Variants in VPS50 observed in about 807,000 individuals in gnomAD.
VPS50 encodes VPS50 subunit of EARP/GARPII complex, also known as syndetin.
In VPS50, 70 loss-of-function variants were observed where a neutral mutation model predicts 139.7. That is an observed-to-expected ratio of 0.50 (90% CI 0.41 to 0.61). The LOEUF is 0.61. Ranked by LOEUF, VPS50 falls within the 20% of genes least tolerant of loss-of-function variation. VPS50 has a pLI of 0.00. For missense variants in VPS50, 921 were observed against 1,133.7 expected (o/e 0.81, Z 2.69); for synonymous variants, 365 against 376.7 (o/e 0.97, Z 0.36).
chr7:93,296,941 A>G (rs1392170370), intron 15 of VPS50, 105 bp downstream of exon 15: 4 of 1,436,156 alleles, frequency 2.8e-6, no homozygotes, highest in Non-Finnish European at 3.6e-6. Flanking sequence ...AAATGAAGAT[A>G]ATTTTTGCTG....
intron 21 of VPS50, among the ~76,000 whole-genome samples, chr7:93,332,715 A>G (rs1797972035): frequency 1.3e-5 from 2 of 152,222 alleles, no homozygotes; most frequent in South Asian, 4.1e-4. Context: ...TGGAACCCAA[A>G]TGTTAATTGA....
chr7:93,299,843 A>G (rs1796926002), intron 16 of VPS50, among the ~76,000 whole-genome samples: 1 of 152,176 alleles, frequency 6.6e-6, no homozygotes, highest in Admixed American at 6.5e-5. Context: ...CCCAAAGAAC[A>G]TCGTTCTGTC....
intron 21 of VPS50, among the ~76,000 whole-genome samples, chr7:93,326,391 T>C (rs1002472455): frequency 4.0e-5 from 6 of 149,460 alleles, no homozygotes; most frequent in African/African-American, 7.4e-5. Context: ...GGCACATGTA[T>C]ACATATGTAA....
At chr7:93,303,237 G>A (rs1472969188) in intron 16 of VPS50, among the ~76,000 whole-genome samples, 1 of 151,796 alleles carries the variant, frequency 6.6e-6, no homozygotes, top group Non-Finnish European at 1.5e-5. Flanking sequence ...AAAATACTTA[G>A]TTTAGTAAAC....
chr7:93,264,859 C>A (rs1795793656), intron 9 of VPS50, among the ~76,000 whole-genome samples: 1 of 152,158 alleles, frequency 6.6e-6, no homozygotes, highest in African/African-American at 2.4e-5. Flanking sequence ...GCCAGGCCTT[C>A]TAGCTTGATC....
intron 16 of VPS50, among the ~76,000 whole-genome samples, chr7:93,299,788 T>C (rs1796923583): frequency 6.6e-6 from 1 of 152,218 alleles, no homozygotes; most frequent in African/African-American, 2.4e-5. Context: ...AGTATAAGTT[T>C]TATTTCCCAT....
intron 23 of VPS50, 67 bp from the exon 24 acceptor site, chr7:93,348,644 A>G (rs1798470551): frequency 9.6e-7 from 1 of 1,045,916 alleles, no homozygotes; most frequent in Admixed American, 2.1e-5. Context: ...AAATACTTAT[A>G]CGAAAGCATG....
At chr7:93,346,113 A>G (rs1798385112) in intron 23 of VPS50, among the ~76,000 whole-genome samples, 1 of 152,234 alleles carries the variant, frequency 6.6e-6, no homozygotes, top group East Asian at 1.9e-4. Flanking sequence ...TTAAGCTGAT[A>G]AGCAACTTCA....
chr7:93,297,145 GT>G lies in VPS50; in HGVS notation c.1265del (p.Leu422Ter), dbSNP rs765021329. The G allele has an allele frequency of 1.9e-6, 3 of 1,561,134 alleles. No homozygotes were observed. On this transcript the variant is annotated frameshift_variant and splice_region_variant, in exon 16 of 28. Coordinates refer to ENST00000305866, the MANE Select transcript of VPS50 (RefSeq NM_017667.4). LOFTEE classifies it high-confidence loss of function. ...FIFVLDIISRLMQVGEEFCGS... is the reference protein window; with the variant it reads ...FIFVLDIISRXMQVGEEFCGS... ...TACTGAAACCTTTTTATCCAACTAG[GT>G]TGATGCAAGTTGGAGAAGAATTTTG...
chr7:93,258,415 T>G (rs1373617182), intron 8 of VPS50, 23 bp downstream of exon 8: 2 of 1,587,758 alleles, frequency 1.3e-6, no homozygotes, highest in Non-Finnish European at 1.7e-6. Flanking sequence ...GTTTTGGAAA[T>G]TTAGGGTCCT....
intron 26 of VPS50, among the ~76,000 whole-genome samples, chr7:93,355,399 C>G (rs1218757793): frequency 6.6e-6 from 1 of 152,082 alleles, no homozygotes; most frequent in African/African-American, 2.4e-5. Context: ...TATATATATA[C>G]TTTCTATGCT....
intron 3 of VPS50, 65 bp from the exon 4 acceptor site, chr7:93,253,795 C>G: frequency 1.1e-6 from 1 of 879,090 alleles, no homozygotes; most frequent in Non-Finnish European, 1.9e-6. Context: ...CAGAAGGGTC[C>G]AGGTAAATGA....
At chr7:93,315,153 A>G (rs1433554680) in intron 20 of VPS50, among the ~76,000 whole-genome samples, 2 of 152,020 alleles carry the variant, frequency 1.3e-5, no homozygotes, top group Non-Finnish European at 2.9e-5. Context: ...CACTATTTAT[A>G]CTGTTTTTTA....
intron 23 of VPS50, among the ~76,000 whole-genome samples, chr7:93,346,871 C>T (rs1798411287): frequency 7.2e-6 from 1 of 138,568 alleles, no homozygotes; most frequent in African/African-American, 2.8e-5. Context: ...CCATAAAAAC[C>T]CTAGAAGAAA....
intron 27 of VPS50, 77 bp from the exon 28 acceptor site, chr7:93,358,240 T>G: frequency 7.5e-7 from 1 of 1,335,936 alleles, no homozygotes; most frequent in Middle Eastern, 1.8e-4. Context: ...CACCTGAATA[T>G]CCGCCTGTTC....
chr7:93,296,891 A>G, intron 15 of VPS50, 55 bp downstream of exon 15: 1 of 1,528,616 alleles, frequency 6.5e-7, no homozygotes, highest in Non-Finnish European at 8.7e-7. Flanking sequence ...ACCATGATAA[A>G]TCATGAGCTA....
chr7:93,269,614 A>G (rs994819226), intron 9 of VPS50, among the ~76,000 whole-genome samples: 7 of 152,044 alleles, frequency 4.6e-5, no homozygotes, highest in Admixed American at 3.3e-4. Flanking sequence ...ATTGCTATCT[A>G]TGTCTATCTA....
intron 12 of VPS50, among the ~76,000 whole-genome samples, chr7:93,286,276 C>T (rs1427867111): frequency 6.6e-6 from 1 of 152,102 alleles, no homozygotes; most frequent in Non-Finnish European, 1.5e-5. Context: ...TCAATCAATA[C>T]TTTCATTGCT....
intron 23 of VPS50, among the ~76,000 whole-genome samples, chr7:93,344,894 C>A (rs1218952621): frequency 6.6e-6 from 1 of 151,972 alleles, no homozygotes; most frequent in Non-Finnish European, 1.5e-5. Flanking sequence ...CCAAAATTGA[C>A]ACCCTAACAT....
Sources: allele counts gnomAD v4.1 joint callset (sites outside exome capture counted in the v4.1 genomes callset), GRCh38; gene constraint gnomAD v4.1.1; transcripts MANE v1.5; gene names NCBI Gene and HGNC (gene_info 2026-07-23, HGNC 2026-07-21).